The following RPS6KA6 variants were observed in gnomAD, a reference collection of about 807,000 sequenced individuals.
The protein encoded by RPS6KA6 is ribosomal protein S6 kinase A6, also known as ribosomal protein S6 kinase alpha-6.
A neutral mutation model predicts 65.4 loss-of-function variants in RPS6KA6; 27 were observed. The observed-to-expected ratio is 0.41, with a 90% CI of 0.30 to 0.57. The LOEUF (loss-of-function observed/expected upper bound fraction) is 0.57, where lower values mean the gene tolerates loss of function less well. Ranked by LOEUF, RPS6KA6 falls within the 20% of genes least tolerant of loss-of-function variation. RPS6KA6 has a pLI of 0.24. For synonymous variants in RPS6KA6, 190 were observed against 184.2 expected, an observed-to-expected ratio of 1.03 and a Z score of -0.26; for missense variants, 486 against 555.6, an observed-to-expected ratio of 0.87 and a Z score of 1.26.
Position 84,148,023 on chromosome X carries a change from A to G in RPS6KA6, c.340+19T>C. ...ACACTTTGTCAAATTCTATTTTAAT[A>G]AACTTTCTAATTTTCTACCTTTTAA... is the stretch of plus-strand genomic sequence containing the variant. On this transcript the variant is annotated intron_variant, in intron 4 of 21. Transcript: ENST00000262752. 9.7e-7 allele frequency: 1 copy of G among 1,026,588 alleles called. No individual in the cohort carries two copies. The highest frequency in any genetic ancestry group is 1.3e-6 in the Non-Finnish European group (1 of 748,959). The allele number at this position is 1,026,588 out of a possible 1,213,427, so 84.6% of individuals were successfully genotyped here.
intron 6 of RPS6KA6, among the ~76,000 whole-genome samples, chrX:84,143,615 A>C (rs918587247): frequency 9.0e-6 from 1 of 111,605 alleles, no homozygotes; most frequent in African/African-American, 3.2e-5. Context: ...CTTATCTGCA[A>C]ATTGACCTAT....
At chrX:84,117,585 G>A (rs975341442) in intron 9 of RPS6KA6, 131 bp from the exon 10 acceptor site, 1 of 359,610 alleles carries the variant, frequency 2.8e-6, no homozygotes, top group East Asian at 4.6e-5. Flanking sequence ...AGATCAAAAT[G>A]GGACCAGAAA....
intron 20 of RPS6KA6, among the ~76,000 whole-genome samples, chrX:84,090,166 T>C (rs2034015319): frequency 8.9e-6 from 1 of 112,445 alleles, no homozygotes; most frequent in African/African-American, 3.2e-5. Flanking sequence ...GTCAAATGTG[T>C]AACAATTCAT....
At chrX:84,070,167 C>T (rs961984858) in intron 20 of RPS6KA6, among the ~76,000 whole-genome samples, 4 of 112,113 alleles carry the variant, frequency 3.6e-5, no homozygotes, top group African/African-American at 1.3e-4. Flanking sequence ...CCCAAATGCC[C>T]ATCGATGACA....
intron 20 of RPS6KA6, among the ~76,000 whole-genome samples, chrX:84,073,546 A>G (rs1206706722): frequency 9.0e-6 from 1 of 111,624 alleles, no homozygotes; most frequent in Non-Finnish European, 1.9e-5. Flanking sequence ...CAAACTAAAA[A>G]GTTACTGCCC....
Position 84,150,042 on chromosome X carries a change from G to A in RPS6KA6, c.259-1919C>T, listed in dbSNP as rs201161821. The stretch of plus-strand genomic sequence containing the variant: ...TACAGCTTTTACATCAGCATCTGTA[G>A]CATTACCTTACACTTTTATGTTACG... On this transcript the variant is annotated intron_variant, in intron 3 of 21. Coordinates refer to ENST00000262752, the MANE Select transcript of RPS6KA6 (RefSeq NM_014496.5). Among the ~76,000 whole-genome samples, 29 of 108,452 alleles carry A rather than the reference G, an allele frequency of 2.7e-4. No individual in the cohort carries two copies. The East Asian group carries it at 6.0e-3, about 22-fold the overall frequency. The allele number at this position is 108,452 out of a possible 115,157, so 94.2% of individuals were successfully genotyped here.
chrX:84,147,827 T>C (rs2035226193), intron 4 of RPS6KA6, among the ~76,000 whole-genome samples: 1 of 111,889 alleles, frequency 8.9e-6, no homozygotes, highest in Admixed American at 9.5e-5. Context: ...TATGTCACTT[T>C]TTCTAGCATC....
intron 8 of RPS6KA6, among the ~76,000 whole-genome samples, chrX:84,134,023 T>C (rs1414715992): frequency 8.9e-6 from 1 of 112,143 alleles, no homozygotes; most frequent in East Asian, 2.8e-4. Flanking sequence ...AAAGACTACA[T>C]CTTCATCTTA....
intron 18 of RPS6KA6, among the ~76,000 whole-genome samples, chrX:84,100,621 T>C (rs1191437747): frequency 9.0e-6 from 1 of 110,825 alleles, no homozygotes; most frequent in Admixed American, 9.7e-5. Context: ...GATGACCATA[T>C]ATGCTATACA....
In RPS6KA6 at chrX:84,058,538, G is replaced by C. The variant is rs1202480591; in HGVS notation, c.*5739C>G. Reference sequence around the variant, plus strand: ...CAGCATTGTGAGAGAAAGAAACATTGTAAAATGAACTACTGGATTTGGTCT... The same window carrying C: ...CAGCATTGTGAGAGAAAGAAACATTCTAAAATGAACTACTGGATTTGGTCT... On this transcript the variant is annotated 3_prime_UTR_variant, in exon 22 of 22. Transcript: ENST00000262752. 4 of 111,725 alleles carry C rather than the reference G, an allele frequency of 3.6e-5. No homozygotes were observed. Among genetic ancestry groups the C allele is most frequent in the Non-Finnish European group, 7.5e-5 (4 of 53,123 alleles). 9.2% of individuals were successfully genotyped at this position (111,725 alleles called of 1,213,427 possible).
chrX:84,111,669 A>G (rs1241540363), intron 12 of RPS6KA6, among the ~76,000 whole-genome samples: 1 of 111,943 alleles, frequency 8.9e-6, no homozygotes, highest in East Asian at 2.8e-4. Flanking sequence ...AACAGGCCCC[A>G]TAAAAAATGC....
intron 8 of RPS6KA6, among the ~76,000 whole-genome samples, chrX:84,130,500 G>C (rs2034877384): frequency 2.7e-5 from 3 of 111,336 alleles, no homozygotes; most frequent in African/African-American, 9.8e-5. Context: ...CACTCCTTAT[G>C]TATTTACTTA....
At chrX:84,119,577 C>T (rs973601903) in intron 9 of RPS6KA6, among the ~76,000 whole-genome samples, 2 of 111,395 alleles carry the variant, frequency 1.8e-5, no homozygotes, top group Non-Finnish European at 3.8e-5. Context: ...ATTAAAATAC[C>T]ATGTAACTGA....
chrX:84,094,041 C>CTGTTTGTT (rs57557818), intron 20 of RPS6KA6, among the ~76,000 whole-genome samples: 12 of 110,009 alleles, frequency 1.1e-4, no homozygotes, highest in South Asian at 7.7e-4. Context: ...TTTTCTTTTT[C>CTGTTTGTT]TGTTTGTTTG....
intron 6 of RPS6KA6, among the ~76,000 whole-genome samples, chrX:84,143,779 A>G (rs2035149291): frequency 9.0e-6 from 1 of 111,387 alleles, no homozygotes; most frequent in Non-Finnish European, 1.9e-5. Flanking sequence ...GCCTCACTTC[A>G]AGACATATTA....
chrX:84,100,830 C>T (rs1054122694), intron 18 of RPS6KA6, among the ~76,000 whole-genome samples: 1 of 110,806 alleles, frequency 9.0e-6, no homozygotes, highest in Non-Finnish European at 1.9e-5. Context: ...CGGATACATA[C>T]ATAATTTCTT....
intron 1 of RPS6KA6, among the ~76,000 whole-genome samples, chrX:84,183,684 T>C (rs1544221): frequency 0.34 from 37,020 of 110,168 alleles, 5,650 homozygotes; most frequent in Non-Finnish European, 0.47. Flanking sequence ...CCTTTTCTTA[T>C]ATTGTGCCCA....
intron 17 of RPS6KA6, among the ~76,000 whole-genome samples, chrX:84,103,821 T>A (rs2034303777): frequency 1.8e-5 from 2 of 111,265 alleles, no homozygotes; most frequent in African/African-American, 6.5e-5. Flanking sequence ...TAAGAGGGGC[T>A]CATGCAGAGT....
intron 6 of RPS6KA6, among the ~76,000 whole-genome samples, chrX:84,136,199 G>A (rs2034988871): frequency 1.8e-5 from 2 of 111,208 alleles, no homozygotes; most frequent in African/African-American, 6.5e-5. Context: ...CAAGAACTCC[G>A]GATTGGCAAA....
Sources: gnomAD v4.1 joint callset for allele counts (sites outside exome capture counted in the v4.1 genomes callset) on GRCh38, gnomAD v4.1.1 for gene constraint, MANE v1.5 for transcripts, NCBI Gene and HGNC (gene_info 2026-07-23, HGNC 2026-07-21) for gene names.